The following SLC6A6 variants were observed in gnomAD, a reference collection of about 807,000 sequenced individuals.
The protein encoded by SLC6A6 is sodium- and chloride-dependent taurine transporter.
Under a neutral mutation model 68.8 loss-of-function variants are expected in SLC6A6, and 16 were observed. The ratio of observed to expected loss-of-function variants is 0.23; its 90% CI spans 0.16 to 0.35. SLC6A6 has a LOEUF of 0.35. Among genes scored for constraint, SLC6A6 ranks in the 10% least tolerant of loss-of-function variants. The pLI, the probability that SLC6A6 is intolerant of heterozygous loss-of-function variation, is 1.00. For missense variants in SLC6A6, 474 were observed against 802.8 expected, an observed-to-expected ratio of 0.59 and a Z score of 4.95; for synonymous variants, 312 against 315.4, an observed-to-expected ratio of 0.99 and a Z score of 0.12.
At chr3:14,462,332 A>C (rs981412160) in intron 6 of SLC6A6, among the ~76,000 whole-genome samples, 4 of 152,230 alleles carry the variant, frequency 2.6e-5, no homozygotes, top group Non-Finnish European at 5.9e-5. Flanking sequence ...AGATGTGCTC[A>C]GGAAAGAGAC....
At chr3:14,417,541 C>G (rs893365978) in intron 2 of SLC6A6, among the ~76,000 whole-genome samples, 4 of 152,110 alleles carry the variant, frequency 2.6e-5, no homozygotes, top group African/African-American at 7.2e-5. Flanking sequence ...ACCATCCTGG[C>G]TAACACGGTG....
rs181403763 is a variant in SLC6A6, at chr3:14,444,927, G to A, written c.230-790G>A. 3,030 of 422,118 alleles carry A rather than the reference G, an allele frequency of 7.2e-3. 109 individuals are homozygous for A. The highest frequency in any genetic ancestry group is 0.066 in the Admixed American group (2,575 of 39,016). The allele number at this position is 422,118 out of a possible 1,614,324, so 26.1% of individuals were successfully genotyped here. A position where few individuals can be genotyped will look rare whatever the true frequency, so the allele number is the denominator to read the frequency against. On this transcript the variant is annotated intron_variant, in intron 3 of 14. Transcript: ENST00000622186. ...TCTTCCCCTTGGTCCCGCCCCCACC[G>A]GAGATGCCTACCCTCTGCCCCTTAC...
intron 2 of SLC6A6, among the ~76,000 whole-genome samples, chr3:14,420,855 C>T (rs1189335570): frequency 6.6e-6 from 1 of 152,224 alleles, no homozygotes; most frequent in Non-Finnish European, 1.5e-5. Context: ...GTGTACAATT[C>T]AGTCATGGTA....
At chr3:14,407,553 GC>G (rs1291184295) in intron 1 of SLC6A6, among the ~76,000 whole-genome samples, 4 of 150,720 alleles carry the variant, frequency 2.7e-5, no homozygotes, top group African/African-American at 9.8e-5. Flanking sequence ...TGTTTCCCAG[GC>G]TGGAGTGCAG....
chr3:14,404,113 T>G (rs1422558100), intron 1 of SLC6A6, among the ~76,000 whole-genome samples: 1 of 152,258 alleles, frequency 6.6e-6, no homozygotes, highest in Non-Finnish European at 1.5e-5. Context: ...CTTCACTAAA[T>G]TGGCCCCCGC....
chr3:14,466,679 C>G (rs746774277), intron 7 of SLC6A6, 29 bp downstream of exon 7: 17 of 1,584,546 alleles, frequency 1.1e-5, no homozygotes, highest in Middle Eastern at 1.7e-4. Context: ...ACACCATCCT[C>G]CCTCCCATCC....
chr3:14,473,150 G>A (rs1313063275), intron 10 of SLC6A6, among the ~76,000 whole-genome samples: 2 of 152,216 alleles, frequency 1.3e-5, no homozygotes, highest in African/African-American at 2.4e-5. Context: ...AGCAGTGCTC[G>A]GAGGACAATT....
At chr3:14,433,261 G>C (rs1699770860) in intron 2 of SLC6A6, among the ~76,000 whole-genome samples, 1 of 152,116 alleles carries the variant, frequency 6.6e-6, no homozygotes, top group African/African-American at 2.4e-5. Context: ...GAGCAGAGTG[G>C]GCAGATGACT....
At chr3:14,432,905 A>G (rs1699761912) in intron 2 of SLC6A6, 1 of 152,214 alleles carries the variant, frequency 6.6e-6, no homozygotes, top group Non-Finnish European at 1.5e-5. Flanking sequence ...AGCATCCCAG[A>G]GACTTGACCT....
At chr3:14,428,171 G>A (rs2124920521) in intron 2 of SLC6A6, among the ~76,000 whole-genome samples, 1 of 152,322 alleles carries the variant, frequency 6.6e-6, no homozygotes, top group Non-Finnish European at 1.5e-5. Context: ...GAGGAGGCTG[G>A]CCCCTGAGAG....
intron 7 of SLC6A6, 151 bp from the exon 8 acceptor site, chr3:14,467,702 C>T (rs1031186931): frequency 5.0e-6 from 3 of 601,194 alleles, no homozygotes; most frequent in South Asian, 4.0e-5. Context: ...CCTTGAAAGG[C>T]ACCTTGGATT....
At chr3:14,418,930 C>T (rs1298839556) in intron 2 of SLC6A6, among the ~76,000 whole-genome samples, 1 of 152,188 alleles carries the variant, frequency 6.6e-6, no homozygotes, top group Non-Finnish European at 1.5e-5. Flanking sequence ...GCCTCTGGGC[C>T]CAGCCCCTTC....
Position 14,484,923 on chromosome 3 carries a change from G to A in SLC6A6, c.1779G>A (p.Glu593=), listed in dbSNP as rs1701107263. Residue 593 remains glutamate (E), a synonymous_variant, in exon 15 of 15, where the codon GAG becomes GAA. Coordinates refer to ENST00000622186, the MANE Select transcript of SLC6A6 (RefSeq NM_003043.6). ...CCAACCGCTGGGCTGTGGAGCGCGAGGGAGCCACACCTTACAACTCTCGCA... is the reference window on the plus strand; with the variant it reads ...CCAACCGCTGGGCTGTGGAGCGCGAAGGAGCCACACCTTACAACTCTCGCA... The part of the protein sequence containing the change: ...REPNRWAVER[E]GATPYNSRTV... The A allele has an allele frequency of 1.2e-6, 2 of 1,612,590 alleles. No individual in the cohort carries two copies. The highest frequency in any genetic ancestry group is 1.7e-6 in the Non-Finnish European group (2 of 1,179,992).
chr3:14,473,462 C>A (rs1282458381), intron 10 of SLC6A6, among the ~76,000 whole-genome samples: 2 of 152,060 alleles, frequency 1.3e-5, no homozygotes, highest in Non-Finnish European at 2.9e-5. Context: ...GCGGGAGAAC[C>A]CTTTGTCCCC....
chr3:14,415,196 G>A (rs975679551), intron 1 of SLC6A6, among the ~76,000 whole-genome samples: 3 of 152,196 alleles, frequency 2.0e-5, no homozygotes, highest in South Asian at 2.1e-4. Context: ...TGCAGTGCCT[G>A]GCACAGTAAG....
chr3:14,420,463 TAC>T (rs1327013316), intron 2 of SLC6A6, among the ~76,000 whole-genome samples: 3 of 151,778 alleles, frequency 2.0e-5, no homozygotes, highest in South Asian at 2.1e-4. Flanking sequence ...ATTGGCTGGT[TAC>T]AGTTTCTCTT....
At chr3:14,455,225 G>A (rs998052796) in intron 5 of SLC6A6, among the ~76,000 whole-genome samples, 19 of 152,192 alleles carry the variant, frequency 1.2e-4, no homozygotes, top group Non-Finnish European at 1.3e-4. Context: ...AGAAGGAGGC[G>A]GAGGACTCAT....
At chr3:14,416,501 G>T (rs1002287486) in intron 2 of SLC6A6, 48 bp downstream of exon 2, 23 of 398,662 alleles carry the variant, frequency 5.8e-5, no homozygotes, top group Non-Finnish European at 8.8e-5. Flanking sequence ...CACACGTTGT[G>T]CAGTGACCCA....
At chr3:14,402,576 A>G (rs1484788891), upstream of SLC6A6, 1 of 396,410 alleles carries the variant, frequency 2.5e-6, no homozygotes, top group African/African-American at 2.1e-5. This position sits in a 1 kb window ranked among gnomAD's most constrained non-coding sequence, Gnocchi z 4.8. Context: ...CCGAGCTGGT[A>G]TTTTTCCACC....
Sources: allele counts gnomAD v4.1 joint callset (sites outside exome capture counted in the v4.1 genomes callset), GRCh38; gene constraint gnomAD v4.1.1; non-coding constraint Gnocchi (gnomAD v3.1); transcripts MANE v1.5; gene names NCBI Gene and HGNC (gene_info 2026-07-23, HGNC 2026-07-21).